ARL15: variants seen among roughly 807,000 people sequenced by gnomAD.
ARL15 encodes ARF like GTPase 15, also known as ADP-ribosylation factor-like protein 15.
In ARL15, 19 loss-of-function variants were observed where a neutral mutation model predicts 25.2. The observed-to-expected ratio is 0.75, with a 90% confidence interval of 0.53 to 1.10. ARL15 has a LOEUF of 1.10. Among genes scored for constraint, ARL15 ranks in the 50% least tolerant of loss-of-function variants. The probability of loss-of-function intolerance (pLI) is 0.00; values close to 1 mark genes in which losing one functional copy is unlikely to be tolerated. For synonymous variants in ARL15, 94 were observed against 86.8 expected, an observed-to-expected ratio of 1.08 and a Z score of -0.46; for missense variants, 220 against 246.0, an observed-to-expected ratio of 0.89 and a Z score of 0.71.
intron 4 of ARL15, among the ~76,000 whole-genome samples, chr5:53,994,504 G>A (rs1257884102): frequency 6.6e-6 from 1 of 152,214 alleles, no homozygotes. Context: ...CTGGGGAAGA[G>A]AGGCTGAATT....
chr5:54,123,166 A>G (rs993029324), intron 3 of ARL15, among the ~76,000 whole-genome samples: 1 of 150,760 alleles, frequency 6.6e-6, no homozygotes, highest in Non-Finnish European at 1.5e-5. Context: ...CTGGAGTGCA[A>G]TGGTGCCATC....
At chr5:54,221,540 A>T (rs1415425058) in intron 1 of ARL15, among the ~76,000 whole-genome samples, 1 of 152,146 alleles carries the variant, frequency 6.6e-6, no homozygotes, top group Non-Finnish European at 1.5e-5. Flanking sequence ...GAAACCACTC[A>T]AGAAGATGGG....
intron 4 of ARL15, among the ~76,000 whole-genome samples, chr5:53,966,524 T>C (rs1002496823): frequency 6.6e-6 from 1 of 152,206 alleles, no homozygotes; most frequent in Non-Finnish European, 1.5e-5. Context: ...TCTTGAGACC[T>C]GGACTTGCAA....
chr5:54,186,408 A>G (rs1283604138), intron 1 of ARL15, among the ~76,000 whole-genome samples: 3 of 152,212 alleles, frequency 2.0e-5, no homozygotes, highest in Non-Finnish European at 4.4e-5. Flanking sequence ...GTGGGAGTTC[A>G]AGCCATCTTC....
chr5:53,954,445 T>A (rs1227220658), intron 4 of ARL15, among the ~76,000 whole-genome samples: 1 of 152,182 alleles, frequency 6.6e-6, no homozygotes, highest in African/African-American at 2.4e-5. Flanking sequence ...TCTAAGAATA[T>A]TTCCATGTTC....
At chr5:54,235,465 C>T (rs184063834) in intron 1 of ARL15, among the ~76,000 whole-genome samples, 146 of 151,176 alleles carry the variant, frequency 9.7e-4, no homozygotes, top group African/African-American at 3.5e-3. Flanking sequence ...TGTTTATGAG[C>T]ACATATGCAC....
intron 1 of ARL15, among the ~76,000 whole-genome samples, chr5:54,174,005 T>A (rs182538854): frequency 6.0e-4 from 92 of 152,248 alleles, no homozygotes; most frequent in African/African-American, 2.0e-3. Flanking sequence ...TCTGCTCCAA[T>A]CCTAAGATTG....
intron 3 of ARL15, among the ~76,000 whole-genome samples, chr5:54,131,722 GAT>G (rs1423915044): frequency 6.6e-6 from 1 of 152,156 alleles, no homozygotes; most frequent in Non-Finnish European, 1.5e-5. Context: ...AGGTGCAGAG[GAT>G]ACCACATTAG....
chr5:54,174,202 A>G (rs938272857), intron 1 of ARL15, among the ~76,000 whole-genome samples: 2 of 152,208 alleles, frequency 1.3e-5, no homozygotes, highest in Admixed American at 6.5e-5. Context: ...TGAAGAATGA[A>G]CGACACTTAA....
At chr5:54,015,628 G>C (rs997433469) in intron 4 of ARL15, among the ~76,000 whole-genome samples, 3 of 152,028 alleles carry the variant, frequency 2.0e-5, no homozygotes, top group African/African-American at 7.2e-5. Context: ...ATTTTAGATG[G>C]TCACAACACA....
intron 1 of ARL15, among the ~76,000 whole-genome samples, chr5:54,300,969 G>T (rs79889522): frequency 0.023 from 3,451 of 152,288 alleles, 59 homozygotes; most frequent in Non-Finnish European, 0.035. Flanking sequence ...GAAGTCATGG[G>T]GTTACTCACC....
At chr5:54,266,283 C>T (rs1203803224) in intron 1 of ARL15, among the ~76,000 whole-genome samples, 1 of 152,170 alleles carries the variant, frequency 6.6e-6, no homozygotes. Context: ...GACCTCTCCC[C>T]GTGGCTGTAC....
chr5:54,035,037 C>T (rs1205721614), intron 4 of ARL15, among the ~76,000 whole-genome samples: 1 of 151,752 alleles, frequency 6.6e-6, no homozygotes, highest in African/African-American at 2.4e-5. Context: ...ACACATGCAC[C>T]CTTTGAAAAC....
intron 1 of ARL15, among the ~76,000 whole-genome samples, chr5:54,263,098 A>G (rs1048735204): frequency 6.6e-6 from 1 of 152,136 alleles, no homozygotes; most frequent in East Asian, 1.9e-4. Context: ...GGCATGGTAC[A>G]ATATTTTAGA....
In ARL15 at chr5:53,964,651, C is replaced by T. The variant is rs181806506; in HGVS notation, c.463-77938G>A. 2.0e-4 allele frequency among the ~76,000 whole-genome samples: 30 copies of T among 152,330 alleles called. No homozygotes were observed. The East Asian group carries it at 3.5e-3, about 18-fold the overall frequency. On this transcript the variant is annotated intron_variant, in intron 4 of 4. Coordinates refer to ENST00000504924, the MANE Select transcript of ARL15 (RefSeq NM_019087.3). ...CTGGGATTACAGGCGTGAGCCACCG[C>T]ACCTGGCCTCTATACTGGTTTTAAA... is the stretch of plus-strand genomic sequence containing the variant.
chr5:54,260,690 G>A (rs1274900234), intron 1 of ARL15, among the ~76,000 whole-genome samples: 2 of 152,168 alleles, frequency 1.3e-5, no homozygotes, highest in Non-Finnish European at 2.9e-5. Flanking sequence ...AGGGCAGAGT[G>A]CTCTAAACAG....
At chr5:54,253,307 C>T (rs1006707461) in intron 1 of ARL15, among the ~76,000 whole-genome samples, 2 of 152,068 alleles carry the variant, frequency 1.3e-5, no homozygotes, top group Non-Finnish European at 2.9e-5. Context: ...AAGGGGCTCA[C>T]GTTCTTCAAA....
intron 4 of ARL15, among the ~76,000 whole-genome samples, chr5:53,935,451 A>G (rs191463360): frequency 6.6e-6 from 1 of 152,372 alleles, no homozygotes; most frequent in Admixed American, 6.5e-5. Context: ...AGAGGTGTCT[A>G]GCACACATCA....
At chr5:53,946,556 T>A (rs1457586400) in intron 4 of ARL15, among the ~76,000 whole-genome samples, 1 of 145,158 alleles carries the variant, frequency 6.9e-6, no homozygotes, top group African/African-American at 2.6e-5. Flanking sequence ...GAAAAAAAAG[T>A]CAAAAATGTT....
Sources: gnomAD v4.1 joint callset for allele counts (sites outside exome capture counted in the v4.1 genomes callset) on GRCh38, gnomAD v4.1.1 for gene constraint, MANE v1.5 for transcripts, NCBI Gene and HGNC (gene_info 2026-07-23, HGNC 2026-07-21) for gene names.